The following LRMDA variants were observed in gnomAD, a reference collection of about 807,000 sequenced individuals.
LRMDA encodes the protein leucine-rich melanocyte differentiation-associated protein.
In LRMDA, 18 loss-of-function variants were observed where a neutral mutation model predicts 29.8. The ratio of observed to expected loss-of-function variants is 0.60; its 90% confidence interval spans 0.42 to 0.90. The LOEUF (loss-of-function observed/expected upper bound fraction) is 0.90, where lower values mean the gene tolerates loss of function less well. LRMDA is among the 40% of genes least tolerant of loss of function. The pLI, the probability that LRMDA is intolerant of heterozygous loss-of-function variation, is 0.00. For synonymous variants in LRMDA, 125 were observed against 109.4 expected (o/e 1.14, Z -0.89); for missense variants, 273 against 273.9 (o/e 1.00, Z 0.02).
chr10:76,088,404 G>A (rs1849173494), intron 5 of LRMDA, among the ~76,000 whole-genome samples: 1 of 152,170 alleles, frequency 6.6e-6, no homozygotes. Context: ...TTTATCTCTA[G>A]GAGAGTTATC....
At chr10:75,478,881 A>G (rs1023334377) in intron 2 of LRMDA, among the ~76,000 whole-genome samples, 11 of 151,426 alleles carry the variant, frequency 7.3e-5, no homozygotes, top group African/African-American at 2.4e-4. Context: ...TCTTTGCACT[A>G]CTCCTTGACT....
intron 6 of LRMDA, among the ~76,000 whole-genome samples, chr10:76,548,103 T>A (rs1056616044): frequency 6.6e-6 from 1 of 152,342 alleles, no homozygotes; most frequent in Admixed American, 6.5e-5. Flanking sequence ...TTTATATTCC[T>A]GTCGCCAAGG....
intron 2 of LRMDA, among the ~76,000 whole-genome samples, chr10:75,887,612 T>A: frequency 6.6e-6 from 1 of 152,226 alleles, no homozygotes; most frequent in East Asian, 1.9e-4. Context: ...CATCTGTGAC[T>A]GTCTTTGAGC....
At chr10:75,556,258 T>G (rs1052667908) in intron 2 of LRMDA, among the ~76,000 whole-genome samples, 4 of 152,084 alleles carry the variant, frequency 2.6e-5, no homozygotes, top group African/African-American at 9.7e-5. Context: ...TGAAAACAAC[T>G]AGAGAAAAAG....
At chr10:76,128,647 G>T (rs375036042) in intron 5 of LRMDA, among the ~76,000 whole-genome samples, 2 of 152,266 alleles carry the variant, frequency 1.3e-5, no homozygotes, top group African/African-American at 4.8e-5. Flanking sequence ...CTTGCAATGA[G>T]ATCCATCCCT....
chr10:75,934,037 C>A (rs1846247314), intron 2 of LRMDA, among the ~76,000 whole-genome samples: 1 of 152,172 alleles, frequency 6.6e-6, no homozygotes, highest in Admixed American at 6.5e-5. Context: ...GCAGCTCCAG[C>A]CTTCTTGGTT....
chr10:75,787,056 A>G (rs899678698), intron 2 of LRMDA, among the ~76,000 whole-genome samples: 2 of 152,216 alleles, frequency 1.3e-5, no homozygotes, highest in Admixed American at 6.5e-5. Flanking sequence ...GCTGTCGCCA[A>G]GGACTTAACC....
intron 2 of LRMDA, among the ~76,000 whole-genome samples, chr10:75,735,323 A>G (rs757120607): frequency 5.3e-5 from 8 of 152,182 alleles, no homozygotes; most frequent in Non-Finnish European, 1.0e-4. Flanking sequence ...TGGCAAAATG[A>G]GAAGTAGAGG....
intron 6 of LRMDA, among the ~76,000 whole-genome samples, chr10:76,410,298 CTTTT>C (rs1172213249): frequency 3.0e-5 from 2 of 66,544 alleles, no homozygotes; most frequent in African/African-American, 1.2e-4. Flanking sequence ...CACTTTCTTT[CTTTT>C]TTTTTTTTTT....
At chr10:75,850,471 T>C (rs1044045523) in intron 2 of LRMDA, among the ~76,000 whole-genome samples, 1 of 152,184 alleles carries the variant, frequency 6.6e-6, no homozygotes, top group Non-Finnish European at 1.5e-5. Flanking sequence ...TTATTTTCTT[T>C]CTTCTCAGTT....
At chr10:75,986,363 T>C (rs1589277726) in intron 2 of LRMDA, among the ~76,000 whole-genome samples, 2 of 152,360 alleles carry the variant, frequency 1.3e-5, no homozygotes, top group East Asian at 3.9e-4. Flanking sequence ...CTTAGGTGTT[T>C]CGTGGGAAAA....
At chr10:76,136,433 G>T (rs1196622054) in intron 5 of LRMDA, among the ~76,000 whole-genome samples, 1 of 152,084 alleles carries the variant, frequency 6.6e-6, no homozygotes, top group African/African-American at 2.4e-5. Flanking sequence ...TTATAAGTTT[G>T]TTAAAACTGG....
chr10:75,532,955 C>T (rs937437914), intron 2 of LRMDA, among the ~76,000 whole-genome samples: 1 of 152,156 alleles, frequency 6.6e-6, no homozygotes, highest in Admixed American at 6.5e-5. Context: ...GGGGCTCACT[C>T]TCTCGTGGGA....
At chr10:76,388,631 T>G (rs1841688304) in intron 6 of LRMDA, among the ~76,000 whole-genome samples, 4 of 152,200 alleles carry the variant, frequency 2.6e-5, no homozygotes, top group Admixed American at 2.0e-4. Flanking sequence ...TTTTTCTGAC[T>G]TATTCTTGGA....
chr10:75,688,990 A>G (rs1223258618), intron 2 of LRMDA, among the ~76,000 whole-genome samples: 1 of 152,090 alleles, frequency 6.6e-6, no homozygotes, highest in Non-Finnish European at 1.5e-5. Context: ...ATAACTTTTT[A>G]TGTTTTTTAC....
At chr10:76,539,984 T>TCACACA (rs35952483) in intron 6 of LRMDA, among the ~76,000 whole-genome samples, 4 of 150,108 alleles carry the variant, frequency 2.7e-5, no homozygotes, top group African/African-American at 7.4e-5. Flanking sequence ...ATCAACATGT[T>TCACACA]CACACACACA....
rs1843225847 is a variant in LRMDA, at chr10:75,770,533, C to CT, written c.132-265471dup. On this transcript the variant is annotated intron_variant, in intron 2 of 6. Transcript: ENST00000611255. ...GTAAGCCTTCTTCCCTATAGCAGTTCTTTTCCCAGAGGCCACCATCACTAA... is the reference window on the plus strand; with the variant it reads ...GTAAGCCTTCTTCCCTATAGCAGTTCTTTTTCCCAGAGGCCACCATCACTAA... Among the ~76,000 whole-genome samples, 2 of 152,226 alleles carry CT rather than the reference C, an allele frequency of 1.3e-5. 1 individual carries two copies. Among genetic ancestry groups the CT allele is most frequent in the South Asian group, 4.1e-4 (2 of 4,834 alleles).
intron 6 of LRMDA, among the ~76,000 whole-genome samples, chr10:76,424,748 C>T (rs1284342237): frequency 2.0e-5 from 3 of 152,124 alleles, no homozygotes; most frequent in Non-Finnish European, 4.4e-5. Flanking sequence ...GATCATAAAG[C>T]CAGTAAGTGA....
At chr10:75,728,871 G>A (rs1842662225) in intron 2 of LRMDA, among the ~76,000 whole-genome samples, 1 of 152,178 alleles carries the variant, frequency 6.6e-6, no homozygotes, top group Admixed American at 6.5e-5. Context: ...TGAGGCAAGA[G>A]TGGTGGTCTC....
Sources: allele counts gnomAD v4.1 joint callset (sites outside exome capture counted in the v4.1 genomes callset), GRCh38; gene constraint gnomAD v4.1.1; transcripts MANE v1.5; gene names NCBI Gene and HGNC (gene_info 2026-07-23, HGNC 2026-07-21).